Variants in VAV3 observed in about 807,000 individuals in gnomAD.
VAV3 encodes vav guanine nucleotide exchange factor 3.
In VAV3, 94 loss-of-function variants were observed where a neutral mutation model predicts 131.2. The ratio of observed to expected loss-of-function variants is 0.72; its 90% CI spans 0.61 to 0.85. The LOEUF is 0.85. Ranked by LOEUF, VAV3 falls within the 40% of genes least tolerant of loss-of-function variation. The pLI is 0.00. For missense variants in VAV3, 939 were observed against 1,002.7 expected (o/e 0.94, Z 0.86); for synonymous variants, 349 against 342.0 (o/e 1.02, Z -0.22).
chr1:107,628,678 T>C (rs780946313), intron 20 of VAV3, among the ~76,000 whole-genome samples: 1 of 152,218 alleles, frequency 6.6e-6, no homozygotes, highest in African/African-American at 2.4e-5. Context: ...TAAAAGTGTG[T>C]TTTTCTTAGA....
chr1:107,721,123 C>T (rs1467699419), intron 15 of VAV3, among the ~76,000 whole-genome samples: 1 of 152,134 alleles, frequency 6.6e-6, no homozygotes, highest in Non-Finnish European at 1.5e-5. Context: ...TTTATGGTTT[C>T]ATGCTTCGAG....
chr1:107,721,652 A>G (rs1426237584), intron 15 of VAV3, among the ~76,000 whole-genome samples: 2 of 152,198 alleles, frequency 1.3e-5, no homozygotes, highest in South Asian at 2.1e-4. Context: ...TCTCTCCACA[A>G]AGGAAATCAC....
intron 20 of VAV3, 45 bp from the exon 21 acceptor site, chr1:107,617,677 C>T (rs1277378698): frequency 6.4e-7 from 1 of 1,564,554 alleles, no homozygotes; most frequent in Non-Finnish European, 8.8e-7. Context: ...AAATTTACCA[C>T]AAATGATAAC....
At position 107,575,003 on chromosome 1, in the gene VAV3, G is replaced by A. The variant is rs1486671544; in HGVS notation, c.2351-805C>T. 3.0e-3 allele frequency among the ~76,000 whole-genome samples: 103 copies of A among 34,284 alleles called. 1 individual carries two copies. Among genetic ancestry groups the A allele is most frequent in the African/African-American group, 8.2e-3 (91 of 11,050 alleles). 22.5% of individuals were successfully genotyped at this position (34,284 alleles called of 152,430 possible). ...TGTGTGTGTGTGTGTGCGTGCGTGC[G>A]CGCGCGCGCGCGCACACGCGCGCGT... On this transcript the variant is annotated intron_variant, in intron 25 of 26. Transcript: ENST00000370056.
chr1:107,746,167 T>C (rs1663330239), intron 15 of VAV3, among the ~76,000 whole-genome samples: 1 of 152,228 alleles, frequency 6.6e-6, no homozygotes, highest in Non-Finnish European at 1.5e-5. Flanking sequence ...AAACCTGTCT[T>C]ACAAAGCTGG....
chr1:107,952,485 T>TATATATATATATATATACAC lies in VAV3; in HGVS notation c.204+12180_204+12181insGTGTATATATATATATATAT, dbSNP rs1317970944. Among the ~76,000 whole-genome samples the TATATATATATATATATACAC allele has an allele frequency of 9.5e-5, 9 of 94,422 alleles. 1 individual carries two copies. Among genetic ancestry groups the TATATATATATATATATACAC allele is most frequent in the East Asian group, 6.7e-4 (2 of 2,978 alleles). The allele number at this position is 94,422 out of a possible 152,430, so 61.9% of individuals were successfully genotyped here. ...ACAAAACTTTATATATATATATATA[T>TATATATATATATATATACAC]ACACACATAAATTCAACCTAAAAAA... On this transcript the variant is annotated intron_variant, in intron 1 of 26. Coordinates refer to ENST00000370056, the MANE Select transcript of VAV3 (RefSeq NM_006113.5).
intron 1 of VAV3, among the ~76,000 whole-genome samples, chr1:107,934,713 T>A (rs1341733867): frequency 6.6e-6 from 1 of 152,232 alleles, no homozygotes. Flanking sequence ...GATGAAAACT[T>A]AACCACTGAA....
At chr1:107,825,920 G>A (rs1667990108) in intron 2 of VAV3, among the ~76,000 whole-genome samples, 1 of 152,076 alleles carries the variant, frequency 6.6e-6, no homozygotes, top group African/African-American at 2.4e-5. Context: ...TTACTATATT[G>A]TAAATCCCTA....
At chr1:107,890,354 G>A (rs886193435) in intron 1 of VAV3, among the ~76,000 whole-genome samples, 3 of 152,072 alleles carry the variant, frequency 2.0e-5, no homozygotes, top group African/African-American at 7.2e-5. Context: ...ATACTAACCA[G>A]GTTGAAGTAT....
At chr1:107,952,809 T>C (rs1412719262) in intron 1 of VAV3, among the ~76,000 whole-genome samples, 3 of 152,068 alleles carry the variant, frequency 2.0e-5, no homozygotes, top group African/African-American at 4.8e-5. Context: ...AAGTCCAACA[T>C]TGAGCAGACA....
chr1:107,908,880 A>G (rs953793704), intron 1 of VAV3, among the ~76,000 whole-genome samples: 3 of 147,892 alleles, frequency 2.0e-5, no homozygotes, highest in Non-Finnish European at 4.5e-5. Context: ...CACACAATAT[A>G]AAACATATTC....
chr1:107,927,833 C>T (rs1673237219), intron 1 of VAV3, among the ~76,000 whole-genome samples: 1 of 152,178 alleles, frequency 6.6e-6, no homozygotes, highest in Non-Finnish European at 1.5e-5. Flanking sequence ...CCTCTGGACC[C>T]ACCTGGGGCC....
At chr1:107,591,106 C>T (rs1440791081) in intron 25 of VAV3, among the ~76,000 whole-genome samples, 1 of 152,126 alleles carries the variant, frequency 6.6e-6, no homozygotes, top group South Asian at 2.1e-4. Flanking sequence ...GACCTCTTTG[C>T]TATGCAGGTT....
chr1:107,815,588 C>T (rs528918325), intron 2 of VAV3, among the ~76,000 whole-genome samples: 1 of 152,260 alleles, frequency 6.6e-6, no homozygotes, highest in East Asian at 1.9e-4. Flanking sequence ...GTTTCTGTGG[C>T]TTACAAATAA....
chr1:107,903,433 A>G (rs1671961941), intron 1 of VAV3, among the ~76,000 whole-genome samples: 1 of 152,202 alleles, frequency 6.6e-6, no homozygotes, highest in African/African-American at 2.4e-5. Flanking sequence ...AGCAGAAAGT[A>G]GAATGGAATA....
intron 24 of VAV3, among the ~76,000 whole-genome samples, chr1:107,602,196 A>G (rs1357143249): frequency 6.6e-6 from 1 of 152,124 alleles, no homozygotes; most frequent in Non-Finnish European, 1.5e-5. Context: ...ACAATTTACA[A>G]TGAAGATTAC....
intron 1 of VAV3, among the ~76,000 whole-genome samples, chr1:107,953,794 T>C (rs1674668488): frequency 6.6e-6 from 1 of 151,236 alleles, no homozygotes; most frequent in African/African-American, 2.5e-5. Flanking sequence ...ACAGATCTAT[T>C]TTAAGACAGG....
intron 19 of VAV3, among the ~76,000 whole-genome samples, chr1:107,660,596 C>T (rs1656942529): frequency 6.6e-6 from 1 of 152,188 alleles, no homozygotes; most frequent in Non-Finnish European, 1.5e-5. Context: ...ACTGTGGCTG[C>T]AAAGTGAAGG....
intron 15 of VAV3, among the ~76,000 whole-genome samples, chr1:107,734,366 C>A (rs535352862): frequency 3.7e-4 from 57 of 152,240 alleles, no homozygotes; most frequent in African/African-American, 9.6e-4. Flanking sequence ...ACAATATTAA[C>A]CTTAAATGTA....
Sources: allele counts gnomAD v4.1 joint callset (sites outside exome capture counted in the v4.1 genomes callset), GRCh38; gene constraint gnomAD v4.1.1; transcripts MANE v1.5; gene names NCBI Gene and HGNC (gene_info 2026-07-23, HGNC 2026-07-21).